Variants in MAPK10 observed in about 807,000 individuals in gnomAD.
MAPK10 encodes the protein JNK3 alpha protein kinase.
MAPK10 carries 25 observed loss-of-function variants against 59.3 expected under a neutral mutation model. The ratio of observed to expected loss-of-function variants is 0.42; its 90% confidence interval spans 0.31 to 0.59. The LOEUF (loss-of-function observed/expected upper bound fraction) is 0.59, where lower values mean the gene tolerates loss of function less well. Ranked by LOEUF, MAPK10 falls within the 20% of genes least tolerant of loss-of-function variation. The pLI, the probability that MAPK10 is intolerant of heterozygous loss-of-function variation, is 0.15. For synonymous variants in MAPK10, 190 were observed against 200.5 expected (o/e 0.95, Z 0.44); for missense variants, 351 against 568.9 (o/e 0.62, Z 3.90).
chr4:86,227,443 C>T (rs7699144), intron 2 of MAPK10, among the ~76,000 whole-genome samples: 12,583 of 146,212 alleles, frequency 0.086, 1,195 homozygotes, highest in African/African-American at 0.24. Context: ...GCTGAGATGG[C>T]GCAACTGCAC....
chr4:86,312,350 AAT>A (rs1397189662), intron 2 of MAPK10, among the ~76,000 whole-genome samples: 1 of 152,076 alleles, frequency 6.6e-6, no homozygotes, highest in African/African-American at 2.4e-5. Flanking sequence ...ACCATATTCT[AAT>A]TTTTATTACG....
At chr4:86,269,874 A>C (rs1171370350) in intron 2 of MAPK10, among the ~76,000 whole-genome samples, 1 of 152,134 alleles carries the variant, frequency 6.6e-6, no homozygotes, top group Non-Finnish European at 1.5e-5. Flanking sequence ...AGTAATAAAG[A>C]TACTTAGTAA....
At chr4:86,325,851 A>T (rs991515820) in intron 2 of MAPK10, 1 of 152,150 alleles carries the variant, frequency 6.6e-6, no homozygotes, top group African/African-American at 2.4e-5. Context: ...TAAAGCAAAA[A>T]CTCTAAGCAT....
In MAPK10 at chr4:86,085,437, G is replaced by T. The variant is rs140043646; in HGVS notation, c.802+13087C>A. 3.0e-3 allele frequency among the ~76,000 whole-genome samples: 451 copies of T among 152,214 alleles called. 6 individuals carry two copies. Among genetic ancestry groups the T allele is most frequent in the African/African-American group, 9.6e-3 (400 of 41,524 alleles). ...ATAATCCGATTAAAAATGGGCAAAA[G>T]ATTTAAATAGACATCTCTCAGAAGA... is the stretch of plus-strand genomic sequence containing the variant. On this transcript the variant is annotated intron_variant, in intron 9 of 13. Coordinates refer to ENST00000641462, the MANE Select transcript of MAPK10 (RefSeq NM_138982.4).
At chr4:86,455,988 A>G (rs1334317381), upstream of MAPK10, among the ~76,000 whole-genome samples, 1 of 152,200 alleles carries the variant, frequency 6.6e-6, no homozygotes, top group Non-Finnish European at 1.5e-5. Flanking sequence ...AAAACTGGAA[A>G]TCAACTCCAA....
intron 9 of MAPK10, among the ~76,000 whole-genome samples, chr4:86,076,165 G>A (rs552948243): frequency 1.8e-4 from 27 of 152,256 alleles, no homozygotes; most frequent in East Asian, 1.7e-3. Context: ...TTCCAGGTGC[G>A]TCTGTCACCC....
At chr4:86,021,356 T>C (rs1262935901) in intron 13 of MAPK10, among the ~76,000 whole-genome samples, 1 of 147,658 alleles carries the variant, frequency 6.8e-6, no homozygotes, top group Non-Finnish European at 1.5e-5. Context: ...ATTGGTATGT[T>C]TACAATCCCT....
chr4:86,217,753 C>T (rs2088146023), intron 2 of MAPK10, among the ~76,000 whole-genome samples: 1 of 151,806 alleles, frequency 6.6e-6, no homozygotes, highest in Admixed American at 6.6e-5. Context: ...TAATAAGATA[C>T]CTATTTGTAA....
intron 1 of MAPK10, among the ~76,000 whole-genome samples, chr4:86,463,806 A>G (rs1012643446): frequency 1.3e-5 from 2 of 152,202 alleles, no homozygotes; most frequent in South Asian, 4.1e-4. Flanking sequence ...TTGGCAATTA[A>G]CAAAAGAAGC....
rs1752715054 is a variant in MAPK10, at chr4:86,472,205, C to A, written c.-262-117561G>T. 3.3e-5 allele frequency among the ~76,000 whole-genome samples: 5 copies of A among 152,164 alleles called. No individual in the cohort carries two copies. In the South Asian group the frequency reaches 8.3e-4, roughly 25 times the overall value. ...TTGATAATAAAATTTTATTTTAGTTCATTTAAATGCTTTTATTCAGTAGAT... is the reference window on the plus strand; with the variant it reads ...TTGATAATAAAATTTTATTTTAGTTAATTTAAATGCTTTTATTCAGTAGAT... On this transcript the variant is annotated intron_variant, in intron 1 of 4. Transcript: ENST00000502302.
At chr4:86,136,535 C>T (rs1341083493) in intron 4 of MAPK10, among the ~76,000 whole-genome samples, 4 of 150,248 alleles carry the variant, frequency 2.7e-5, no homozygotes, top group East Asian at 3.9e-4. Flanking sequence ...CTGAAGGAAG[C>T]GCTAAACATG....
chr4:86,578,003 C>A (rs540947707), intron 1 of MAPK10, among the ~76,000 whole-genome samples: 5 of 151,970 alleles, frequency 3.3e-5, no homozygotes, highest in African/African-American at 7.3e-5. Context: ...ATTATTAATA[C>A]CTATATTAAT....
intron 1 of MAPK10, among the ~76,000 whole-genome samples, chr4:86,583,586 C>G (rs1384178485): frequency 5.9e-5 from 9 of 152,118 alleles, no homozygotes; most frequent in Non-Finnish European, 1.3e-4. Flanking sequence ...CCTGTTATGA[C>G]TTTAAGAGGA....
At chr4:86,166,841 C>T (rs958250466) in intron 3 of MAPK10, among the ~76,000 whole-genome samples, 33 of 151,846 alleles carry the variant, frequency 2.2e-4, no homozygotes, top group African/African-American at 7.7e-4. Flanking sequence ...CAAACAAATC[C>T]AAAAACTAGC....
intron 9 of MAPK10, among the ~76,000 whole-genome samples, chr4:86,078,604 TAC>T (rs35865395): frequency 0.057 from 8,582 of 149,560 alleles, 628 homozygotes; most frequent in African/African-American, 0.17. Context: ...TATATATATA[TAC>T]ACACACACAC....
chr4:86,331,367 A>G (rs2148914536), intron 2 of MAPK10, among the ~76,000 whole-genome samples: 1 of 152,310 alleles, frequency 6.6e-6, no homozygotes, highest in East Asian at 1.9e-4. Flanking sequence ...AAAACAGAAC[A>G]TAGGACCAGC....
intron 2 of MAPK10, among the ~76,000 whole-genome samples, chr4:86,236,934 T>C (rs2092288862): frequency 6.6e-6 from 1 of 152,178 alleles, no homozygotes; most frequent in African/African-American, 2.4e-5. Flanking sequence ...CAGGTATACA[T>C]GTGCCATGGT....
chr4:86,589,536 G>T (rs1252402134), intron 1 of MAPK10, among the ~76,000 whole-genome samples: 1 of 151,988 alleles, frequency 6.6e-6, no homozygotes, highest in African/African-American at 2.4e-5. Flanking sequence ...ACAAAAATTA[G>T]CCGGGCGTGG....
intron 9 of MAPK10, among the ~76,000 whole-genome samples, chr4:86,077,633 A>G (rs1195732290): frequency 6.6e-6 from 1 of 152,170 alleles, no homozygotes; most frequent in African/African-American, 2.4e-5. Context: ...TCCAGAGCCA[A>G]CACCTCATAG....
Sources: allele counts gnomAD v4.1 joint callset (sites outside exome capture counted in the v4.1 genomes callset), GRCh38; gene constraint gnomAD v4.1.1; transcripts MANE v1.5; gene names NCBI Gene and HGNC (gene_info 2026-07-23, HGNC 2026-07-21).